Variants in TENM3 observed in about 807,000 individuals in gnomAD.
TENM3 encodes teneurin-3.
A neutral mutation model predicts 255.1 loss-of-function variants in TENM3; 63 were observed. The ratio of observed to expected loss-of-function variants is 0.25; its 90% CI spans 0.20 to 0.30. TENM3 has a LOEUF of 0.30. TENM3 is among the 10% of genes least tolerant of loss of function. The probability of loss-of-function intolerance (pLI) is 1.00; values close to 1 mark genes in which losing one functional copy is unlikely to be tolerated. For missense variants in TENM3, 2,929 were observed against 3,461.1 expected (o/e 0.85, Z 3.86); for synonymous variants, 1,306 against 1,322.3 (o/e 0.99, Z 0.27).
chr4:181,748,172 C>CAAAA, the TENM3 span, among the ~76,000 whole-genome samples: 8 of 151,948 alleles, frequency 5.3e-5, no homozygotes, highest in African/African-American at 1.7e-4. Flanking sequence ...AAAAATATTG[C>CAAAA]TGTTGATGTT....
intron 1 of TENM3, among the ~76,000 whole-genome samples, chr4:182,273,896 G>A (rs910880369): frequency 6.6e-6 from 1 of 152,200 alleles, no homozygotes; most frequent in African/African-American, 2.4e-5. Context: ...AAAGATTAAA[G>A]CATGGAAATA....
At chr4:181,472,744 G>A in the TENM3 span, among the ~76,000 whole-genome samples, 103,471 of 152,062 alleles carry the variant, frequency 0.68, 35,845 homozygotes, top group Non-Finnish European at 0.75. Flanking sequence ...GTTTCACAGC[G>A]TAAAGGCTGA....
the TENM3 span, among the ~76,000 whole-genome samples, chr4:181,511,505 A>T: frequency 6.6e-6 from 1 of 152,112 alleles, no homozygotes; most frequent in Non-Finnish European, 1.5e-5. Context: ...CCCTCGTAAG[A>T]GACATTTGTT....
chr4:182,678,871 A>G (rs1447183537), intron 7 of TENM3, among the ~76,000 whole-genome samples: 1 of 152,218 alleles, frequency 6.6e-6, no homozygotes, highest in Admixed American at 6.5e-5. Flanking sequence ...CAGAAAGTCA[A>G]ATACTGCATG....
the TENM3 span, among the ~76,000 whole-genome samples, chr4:181,940,097 A>G: frequency 6.6e-6 from 1 of 152,316 alleles, no homozygotes; most frequent in South Asian, 2.1e-4. Context: ...GAATCCATCA[A>G]TAAAAAATAA....
chr4:181,840,664 G>A, the TENM3 span, among the ~76,000 whole-genome samples: 13 of 152,026 alleles, frequency 8.6e-5, no homozygotes, highest in African/African-American at 3.1e-4. Flanking sequence ...TGGGCAGGGG[G>A]TTATTTTTCA....
the TENM3 span, among the ~76,000 whole-genome samples, chr4:181,858,047 A>C: frequency 6.6e-6 from 1 of 152,176 alleles, no homozygotes; most frequent in Admixed American, 6.5e-5. Flanking sequence ...TATCTAGAGT[A>C]TTTTTAAGTG....
At chr4:182,287,114 G>A (rs1230394612) in intron 1 of TENM3, among the ~76,000 whole-genome samples, 1 of 152,212 alleles carries the variant, frequency 6.6e-6, no homozygotes, top group Non-Finnish European at 1.5e-5. Flanking sequence ...TGTAGTTCCA[G>A]CTACTGAGGA....
rs1236959153 is a variant in TENM3, at chr4:182,610,559, T to TA, written c.749+9399dup. On this transcript the variant is annotated intron_variant, in intron 4 of 27. Transcript: ENST00000511685. ...TTAACCAGGTTTGGTAGCATGTGCCTATAGCCCTAGCTATTCGGGAAGCTG... is the reference window on the plus strand; with the variant it reads ...TTAACCAGGTTTGGTAGCATGTGCCTAATAGCCCTAGCTATTCGGGAAGCTG... 3.9e-5 allele frequency among the ~76,000 whole-genome samples: 6 copies of TA among 152,024 alleles called. No individual in the cohort carries two copies. The East Asian group carries it at 1.2e-3, about 29-fold the overall frequency.
upstream of TENM3, among the ~76,000 whole-genome samples, chr4:182,241,724 G>A (rs1458792075): frequency 2.6e-5 from 4 of 151,702 alleles, no homozygotes; most frequent in Non-Finnish European, 4.4e-5. Flanking sequence ...GGTCAGGCTG[G>A]TCTTGAACTC....
chr4:181,778,572 T>C, the TENM3 span, among the ~76,000 whole-genome samples: 1 of 152,150 alleles, frequency 6.6e-6, no homozygotes, highest in African/African-American at 2.4e-5. Flanking sequence ...GGATGGCCAC[T>C]TTCTCCTAAT....
chr4:181,961,488 C>T, the TENM3 span, among the ~76,000 whole-genome samples: 93 of 152,124 alleles, frequency 6.1e-4, no homozygotes, highest in African/African-American at 1.9e-3. Context: ...TGTGCGATCT[C>T]GACTCACTGC....
the TENM3 span, among the ~76,000 whole-genome samples, chr4:181,494,111 G>T: frequency 6.6e-6 from 1 of 152,076 alleles, no homozygotes; most frequent in African/African-American, 2.4e-5. Flanking sequence ...AACTTGTCAA[G>T]GGTTATACAC....
At chr4:182,243,781 A>G (rs1757448071) in intron 1 of TENM3, among the ~76,000 whole-genome samples, 1 of 152,060 alleles carries the variant, frequency 6.6e-6, no homozygotes, top group African/African-American at 2.4e-5. Context: ...CATCAGCGAA[A>G]TAATTTTAAA....
intron 3 of TENM3, among the ~76,000 whole-genome samples, chr4:182,475,408 T>A (rs1580681669): frequency 6.8e-5 from 1 of 14,618 alleles, no homozygotes; most frequent in South Asian, 6.0e-3. Flanking sequence ...AACTGATCAA[T>A]TTTTTTTTTT....
Position 182,688,370 on chromosome 4 carries a change from T to A in TENM3, c.2221+19T>A. The A allele has an allele frequency of 3.2e-6, 5 of 1,550,318 alleles. No individual in the cohort carries two copies. Among genetic ancestry groups the A allele is most frequent in the Non-Finnish European group, 4.4e-6 (5 of 1,141,886 alleles). Reference sequence around the variant, plus strand: ...ACTATCGGTAGGCTTACTGCAAGTCTGTGTCTGTCCCCTTCCTCCCAGAGA... The same window carrying A: ...ACTATCGGTAGGCTTACTGCAAGTCAGTGTCTGTCCCCTTCCTCCCAGAGA... On this transcript the variant is annotated intron_variant, in intron 12 of 27. Transcript: ENST00000511685.
At chr4:181,775,396 C>T in the TENM3 span, among the ~76,000 whole-genome samples, 3 of 152,038 alleles carry the variant, frequency 2.0e-5, 1 homozygote, top group East Asian at 3.9e-4. Flanking sequence ...CTTGTATCTA[C>T]GCAGAGGATT....
chr4:181,642,641 T>G, the TENM3 span, among the ~76,000 whole-genome samples: 13,678 of 152,120 alleles, frequency 0.09, 708 homozygotes, highest in South Asian at 0.15. Context: ...TTGAGTTAAT[T>G]TTTGAGTTAA....
rs1178769908 is a variant in TENM3 at position 182,695,971 on chromosome 4, CAT to C, written c.2221+7621_2221+7622del. 3.3e-5 allele frequency among the ~76,000 whole-genome samples: 5 copies of C among 152,288 alleles called. No homozygotes were observed. In the South Asian group the frequency reaches 8.3e-4, roughly 25 times the overall value. ...CTGAGTTCAACAGTGTGTGAAATCA[CAT>C]GTGTTACTCATCCCAGTGTATCACT... On this transcript the variant is annotated intron_variant, in intron 12 of 27. Transcript: ENST00000511685.
Sources: allele counts gnomAD v4.1 joint callset (sites outside exome capture counted in the v4.1 genomes callset), GRCh38; gene constraint gnomAD v4.1.1; transcripts MANE v1.5; gene names NCBI Gene and HGNC (gene_info 2026-07-23, HGNC 2026-07-21).